Variants in CCSER2 observed in about 807,000 individuals in gnomAD.
The protein encoded by CCSER2 is serine-rich coiled-coil domain-containing protein 2.
Under a neutral mutation model 92.3 loss-of-function variants are expected in CCSER2, and 46 were observed. The observed-to-expected ratio is 0.50, with a 90% CI of 0.39 to 0.64. The LOEUF (loss-of-function observed/expected upper bound fraction) is 0.64. Among genes scored for constraint, CCSER2 ranks in the 30% least tolerant of loss-of-function variants. The pLI, the probability that CCSER2 is intolerant of heterozygous loss-of-function variation, is 0.00. For synonymous variants in CCSER2, 433 were observed against 431.4 expected (o/e 1.00, Z -0.04); for missense variants, 1,244 against 1,238.9 (o/e 1.00, Z -0.06).
chr10:84,492,939 T>C (rs1331876319), intron 9 of CCSER2, among the ~76,000 whole-genome samples: 6 of 152,206 alleles, frequency 3.9e-5, no homozygotes, highest in Non-Finnish European at 8.8e-5. Flanking sequence ...TGTACTGTCT[T>C]TGTCTGCTTT....
intron 6 of CCSER2, among the ~76,000 whole-genome samples, chr10:84,459,433 G>A (rs151143996): frequency 1.3e-5 from 2 of 152,178 alleles, no homozygotes; most frequent in African/African-American, 4.8e-5. Flanking sequence ...TTGAATAGGA[G>A]TGCCTTGTTC....
intron 8 of CCSER2, among the ~76,000 whole-genome samples, chr10:84,474,545 C>T (rs1179799858): frequency 1.3e-5 from 2 of 151,708 alleles, no homozygotes; most frequent in East Asian, 1.9e-4. Context: ...CCTGTAGTCT[C>T]AGCTACTCAG....
intron 1 of CCSER2, among the ~76,000 whole-genome samples, chr10:84,366,033 AAC>A (rs1312773048): frequency 1.3e-5 from 2 of 152,188 alleles, no homozygotes; most frequent in Non-Finnish European, 2.9e-5. Flanking sequence ...GCTCCTGGCA[AAC>A]ATTGCTGCTT....
At chr10:84,429,489 G>T (rs1054706778) in intron 5 of CCSER2, among the ~76,000 whole-genome samples, 10 of 152,070 alleles carry the variant, frequency 6.6e-5, no homozygotes, top group Admixed American at 1.3e-4. Context: ...TTTGCCAGAT[G>T]TAGACTTCTT....
chr10:84,508,929 A>T (rs1464788365), intron 9 of CCSER2, among the ~76,000 whole-genome samples: 3 of 152,222 alleles, frequency 2.0e-5, no homozygotes, highest in Non-Finnish European at 4.4e-5. Flanking sequence ...ATATGTTGTC[A>T]TATTTAATTA....
At chr10:84,374,007 G>T in intron 3 of CCSER2, 192 bp downstream of exon 3, 1 of 1,222,902 alleles carries the variant, frequency 8.2e-7, no homozygotes, top group Non-Finnish European at 1.1e-6. Context: ...TATGACATTT[G>T]ACTTAAATAT....
intron 1 of CCSER2, among the ~76,000 whole-genome samples, chr10:84,339,087 C>T (rs1277367484): frequency 1.3e-5 from 2 of 151,736 alleles, no homozygotes; most frequent in African/African-American, 4.8e-5. Context: ...CTATTCTCTA[C>T]AGAAGTTAAT....
At chr10:84,489,258 T>C (rs1278986476) in intron 9 of CCSER2, among the ~76,000 whole-genome samples, 3 of 152,162 alleles carry the variant, frequency 2.0e-5, no homozygotes, top group Non-Finnish European at 4.4e-5. Flanking sequence ...TTAGGTCCGC[T>C]TGGTGCAGAG....
At chr10:84,501,834 A>ATATAT (rs1554868294) in intron 9 of CCSER2, among the ~76,000 whole-genome samples, 4 of 40,174 alleles carry the variant, frequency 1.0e-4, no homozygotes, top group South Asian at 9.8e-4. Context: ...AAAAAAAAAA[A>ATATAT]ATATATATAT....
At chr10:84,331,042 TG>T (rs1843536682) in intron 1 of CCSER2, among the ~76,000 whole-genome samples, 1 of 152,228 alleles carries the variant, frequency 6.6e-6, no homozygotes, top group African/African-American at 2.4e-5. Context: ...GTGAGCGACT[TG>T]GATGTGTTCT....
intron 6 of CCSER2, among the ~76,000 whole-genome samples, chr10:84,456,875 A>G (rs1325740448): frequency 6.6e-6 from 1 of 151,922 alleles, no homozygotes. Flanking sequence ...TGCCATTTAT[A>G]TGTCTTTTTT....
rs9630084 is a variant in CCSER2 at position 84,413,868 on chromosome 10, T to C, written c.1615-3903T>C. ...TATATTTAATAAGATAGTTAGCTCT[T>C]CTTGTTGAATTGAACCTTTTACCAT... is the stretch of plus-strand genomic sequence containing the variant. On this transcript the variant is annotated intron_variant, in intron 3 of 9. Transcript: ENST00000372088. Among the ~76,000 whole-genome samples, 599 of 152,326 alleles carry C rather than the reference T, an allele frequency of 3.9e-3. 3 individuals are homozygous for C. The highest frequency in any genetic ancestry group is 0.013 in the African/African-American group (552 of 41,580).
intron 7 of CCSER2, among the ~76,000 whole-genome samples, chr10:84,468,399 A>G (rs1411229386): frequency 6.6e-6 from 1 of 152,226 alleles, no homozygotes; most frequent in Non-Finnish European, 1.5e-5. Flanking sequence ...CCCTGATCTA[A>G]TCACTATAAA....
intron 6 of CCSER2, among the ~76,000 whole-genome samples, chr10:84,444,522 A>G (rs1844788629): frequency 1.3e-5 from 2 of 152,182 alleles, no homozygotes; most frequent in Non-Finnish European, 2.9e-5. Flanking sequence ...TCAGAAAACT[A>G]ATTAGTGATA....
chr10:84,473,815 CCT>C (rs1040636210), intron 8 of CCSER2, among the ~76,000 whole-genome samples: 2 of 152,100 alleles, frequency 1.3e-5, no homozygotes, highest in African/African-American at 4.8e-5. Flanking sequence ...GTTTCCATCA[CCT>C]CTCTCTAGTG....
intron 9 of CCSER2, among the ~76,000 whole-genome samples, chr10:84,488,622 T>C (rs985713802): frequency 6.6e-6 from 1 of 152,214 alleles, no homozygotes; most frequent in Non-Finnish European, 1.5e-5. Context: ...TATTTGATTC[T>C]TCTCTCTTTT....
intron 9 of CCSER2, among the ~76,000 whole-genome samples, chr10:84,482,103 G>A (rs1003745006): frequency 6.6e-6 from 1 of 151,988 alleles, no homozygotes; most frequent in Admixed American, 6.6e-5. Context: ...TAAGTAAAGG[G>A]CAAGTCAGTA....
chr10:84,422,423 T>A (rs1327056702), intron 4 of CCSER2, among the ~76,000 whole-genome samples: 1 of 152,234 alleles, frequency 6.6e-6, no homozygotes, highest in Non-Finnish European at 1.5e-5. Context: ...TTTTTGAGCT[T>A]AAGGGTAAAA....
At chr10:84,441,734 A>ATTTTTTTTTTTTTTTTTTTTTTTTTTTT (rs1564667385) in intron 6 of CCSER2, among the ~76,000 whole-genome samples, 1 of 106,450 alleles carries the variant, frequency 9.4e-6, no homozygotes, top group Non-Finnish European at 1.8e-5. Context: ...GACTGGGAAA[A>ATTTTTTTTTTTTTTTTTTTTTTTTTTTT]TGTTTTTTTT....
Sources: gnomAD v4.1 joint callset for allele counts (sites outside exome capture counted in the v4.1 genomes callset) on GRCh38, gnomAD v4.1.1 for gene constraint, MANE v1.5 for transcripts, NCBI Gene and HGNC (gene_info 2026-07-23, HGNC 2026-07-21) for gene names.